Variants in CSMD1 observed in about 807,000 individuals in gnomAD.
CSMD1 encodes CUB and Sushi multiple domains 1, also known as CUB and sushi domain-containing protein 1.
Under a neutral mutation model 417.5 loss-of-function variants are expected in CSMD1, and 213 were observed. The observed-to-expected ratio is 0.51, with a 90% CI of 0.46 to 0.57. CSMD1 has a LOEUF of 0.57. CSMD1 is among the 20% of genes least tolerant of loss of function. The probability of loss-of-function intolerance (pLI) is 0.00; values close to 1 mark genes in which losing one functional copy is unlikely to be tolerated. For synonymous variants in CSMD1, 2,862 were observed against 1,736.8 expected (o/e 1.65, Z -16.11); for missense variants, 6,923 against 4,529.7 (o/e 1.53, Z -15.17).
intron 18 of CSMD1, among the ~76,000 whole-genome samples, chr8:3,382,322 T>TTA (rs772690857): frequency 5.9e-3 from 864 of 146,604 alleles, no homozygotes; most frequent in Middle Eastern, 0.014. Flanking sequence ...TTAGGGTTAT[T>TTA]TATATATATA....
chr8:3,731,543 G>A (rs977678987), intron 6 of CSMD1, among the ~76,000 whole-genome samples: 14 of 152,138 alleles, frequency 9.2e-5, no homozygotes, highest in African/African-American at 3.4e-4. Flanking sequence ...GTATGGCTGG[G>A]GTGATTTGAT....
At chr8:4,664,385 C>T (rs1055366035) in intron 1 of CSMD1, among the ~76,000 whole-genome samples, 5 of 152,016 alleles carry the variant, frequency 3.3e-5, no homozygotes, top group African/African-American at 1.2e-4. Context: ...CATGGTGAAA[C>T]CCCATGTCTA....
chr8:4,314,096 G>C (rs764488921), intron 3 of CSMD1, among the ~76,000 whole-genome samples: 1 of 151,854 alleles, frequency 6.6e-6, no homozygotes, highest in African/African-American at 2.4e-5. Context: ...GGAGATGGGG[G>C]ATTCAACACT....
chr8:4,163,303 C>G (rs912317950), intron 3 of CSMD1, among the ~76,000 whole-genome samples: 1 of 152,134 alleles, frequency 6.6e-6, no homozygotes, highest in South Asian at 2.1e-4. Context: ...TTCTAAGAAA[C>G]CACCCAATTG....
chr8:3,574,923 G>A lies in CSMD1; in HGVS notation c.1344+22C>T, dbSNP rs763515841. The A allele has an allele frequency of 6.8e-6, 11 of 1,610,458 alleles. No individual in the cohort carries two copies. In the South Asian group the frequency reaches 1.2e-4, roughly 18 times the overall value. ...AAGAGTGCTGTGTGCATTAACCACA[G>A]GGGTTGGAGGCGGAGCCTTACCTTG... On this transcript the variant is annotated intron_variant, in intron 10 of 69. Transcript: ENST00000635120.
chr8:3,197,621 A>T (rs1423840616), intron 33 of CSMD1, among the ~76,000 whole-genome samples: 5 of 151,848 alleles, frequency 3.3e-5, no homozygotes, highest in Non-Finnish European at 7.4e-5. Flanking sequence ...GCCCGCCACC[A>T]CGCCCGGCTA....
chr8:3,701,423 G>A (rs1480053867), intron 7 of CSMD1, among the ~76,000 whole-genome samples: 2 of 152,086 alleles, frequency 1.3e-5, no homozygotes, highest in Non-Finnish European at 2.9e-5. Flanking sequence ...TCCCCGGGCT[G>A]AACCGAAGCT....
intron 1 of CSMD1, among the ~76,000 whole-genome samples, chr8:4,960,135 C>A (rs1354624887): frequency 1.3e-5 from 2 of 152,214 alleles, no homozygotes; most frequent in African/African-American, 4.8e-5. Context: ...GTGCTCATTA[C>A]TTCTGAAATG....
In CSMD1 at chr8:2,957,810, A is replaced by G. The variant is rs754430675; in HGVS notation, c.9703-3T>C. The G allele has an allele frequency of 6.4e-7, 1 of 1,568,954 alleles. No individual in the cohort carries two copies. Among genetic ancestry groups the G allele is most frequent in the African/African-American group, 1.3e-5 (1 of 74,186 alleles). ...CTGAAAAAAACCGTGCTTCCAACCT[A>G]GAGAGGAAATCCAATACTAGCTTCA... is the stretch of plus-strand genomic sequence containing the variant. On this transcript the variant is annotated splice_region_variant and splice_polypyrimidine_tract_variant and intron_variant, in intron 62 of 69. Coordinates refer to ENST00000635120, the MANE Select transcript of CSMD1 (RefSeq NM_033225.6).
intron 2 of CSMD1, among the ~76,000 whole-genome samples, chr8:4,458,690 G>A (rs530159518): frequency 6.6e-5 from 10 of 152,242 alleles, no homozygotes; most frequent in African/African-American, 1.4e-4. Flanking sequence ...CAAAACTGCA[G>A]CAAAATAATT....
intron 2 of CSMD1, among the ~76,000 whole-genome samples, chr8:4,587,163 C>G (rs1327349811): frequency 1.3e-5 from 2 of 152,096 alleles, no homozygotes; most frequent in East Asian, 3.9e-4. Flanking sequence ...CCATCGTGAG[C>G]CAACCAGCTT....
intron 1 of CSMD1, among the ~76,000 whole-genome samples, chr8:4,694,404 T>C (rs936158719): frequency 6.6e-6 from 1 of 152,058 alleles, no homozygotes; most frequent in South Asian, 2.1e-4. Context: ...CAGGCTAGAG[T>C]GCAGTCGTGT....
chr8:4,306,943 C>G (rs908075834), intron 3 of CSMD1, among the ~76,000 whole-genome samples: 1 of 152,134 alleles, frequency 6.6e-6, no homozygotes, highest in Non-Finnish European at 1.5e-5. Flanking sequence ...CAGTATCTGT[C>G]GATCCTACCC....
At chr8:4,167,637 G>C (rs1321743658) in intron 3 of CSMD1, among the ~76,000 whole-genome samples, 5 of 152,280 alleles carry the variant, frequency 3.3e-5, no homozygotes, top group Middle Eastern at 3.4e-3. Flanking sequence ...AAATCCATCT[G>C]TTTGGAAGAT....
At chr8:4,070,892 T>C (rs1239165917) in intron 3 of CSMD1, among the ~76,000 whole-genome samples, 1 of 152,220 alleles carries the variant, frequency 6.6e-6, no homozygotes, top group African/African-American at 2.4e-5. Context: ...TTTACTTTCT[T>C]TTTGCTTTTA....
chr8:3,142,603 A>T lies in CSMD1; in HGVS notation c.6103T>A (p.Tyr2035Asn), dbSNP rs370247915. ...TGTCCAATCATGGGGCTGGTGTGGT[A>T]AGGTCCATTTTGAATTTCAAGGAAG... The part of the protein sequence containing the change: ...HDFLEIQNGP[Y>N]HTSPMIGQFS... The change falls in exon 41 of 70, where the codon TAC becomes AAC. Residue 2035 changes from tyrosine (Y) to asparagine (N), a missense_variant. Coordinates refer to ENST00000635120, the MANE Select transcript of CSMD1 (RefSeq NM_033225.6). 1 of 1,613,970 alleles carries T rather than the reference A, an allele frequency of 6.2e-7. No homozygotes were observed. The highest frequency in any genetic ancestry group is 8.5e-7 in the Non-Finnish European group (1 of 1,179,856).
intron 3 of CSMD1, among the ~76,000 whole-genome samples, chr8:4,077,913 C>T (rs2554683): frequency 1.3e-5 from 2 of 152,096 alleles, no homozygotes; most frequent in East Asian, 3.9e-4. Context: ...TTCCCGAAGA[C>T]CTTGCCATCA....
chr8:4,713,782 G>A (rs966669110), intron 1 of CSMD1, among the ~76,000 whole-genome samples: 5 of 152,172 alleles, frequency 3.3e-5, no homozygotes, highest in East Asian at 1.9e-4. Flanking sequence ...GCTTGGGCTG[G>A]AGATCATTCT....
At chr8:4,028,877 A>T (rs138225087) in intron 4 of CSMD1, among the ~76,000 whole-genome samples, 1 of 152,212 alleles carries the variant, frequency 6.6e-6, no homozygotes, top group Non-Finnish European at 1.5e-5. Context: ...TTTTCTTAGG[A>T]AAGTCAAAAC....
Sources: allele counts gnomAD v4.1 joint callset (sites outside exome capture counted in the v4.1 genomes callset), GRCh38; gene constraint gnomAD v4.1.1; transcripts MANE v1.5; gene names NCBI Gene and HGNC (gene_info 2026-07-23, HGNC 2026-07-21).